GRID1: variants seen among roughly 807,000 people sequenced by gnomAD.
The protein encoded by GRID1 is glutamate ionotropic receptor delta type subunit 1.
GRID1 carries 28 observed loss-of-function variants against 98.0 expected under a neutral mutation model. The observed-to-expected ratio is 0.29, with a 90% CI of 0.21 to 0.39. The LOEUF (loss-of-function observed/expected upper bound fraction) is 0.39, where lower values mean the gene tolerates loss of function less well. Among genes scored for constraint, GRID1 ranks in the 10% least tolerant of loss-of-function variants. GRID1 has a pLI of 1.00. For synonymous variants in GRID1, 553 were observed against 538.5 expected (o/e 1.03, Z -0.37); for missense variants, 1,111 against 1,340.5 (o/e 0.83, Z 2.67).
intron 15 of GRID1, chr10:85,606,334 C>A (rs2132505604): frequency 6.6e-6 from 1 of 152,290 alleles, no homozygotes; most frequent in South Asian, 2.1e-4. Flanking sequence ...TCCTTCCCAA[C>A]TGCTTATTAA....
chr10:86,352,641 TC>T (rs1423734455), intron 2 of GRID1, among the ~76,000 whole-genome samples: 1 of 152,034 alleles, frequency 6.6e-6, no homozygotes, highest in Non-Finnish European at 1.5e-5. Flanking sequence ...CCTAATTACC[TC>T]CCAAGGCCCT....
At chr10:85,643,285 T>C (rs1209627614) in intron 13 of GRID1, among the ~76,000 whole-genome samples, 2 of 152,142 alleles carry the variant, frequency 1.3e-5, no homozygotes, top group African/African-American at 4.8e-5. Flanking sequence ...CCAGGCTGCC[T>C]ACACTGCATG....
intron 2 of GRID1, among the ~76,000 whole-genome samples, chr10:86,257,195 C>A (rs1846934062): frequency 6.6e-6 from 1 of 152,210 alleles, no homozygotes; most frequent in Admixed American, 6.5e-5. Flanking sequence ...TCACACAGTC[C>A]TCTCTGAGGT....
chr10:86,055,801 C>T (rs1339254216), intron 4 of GRID1, among the ~76,000 whole-genome samples: 1 of 147,816 alleles, frequency 6.8e-6, no homozygotes, highest in Non-Finnish European at 1.5e-5. Context: ...AACCAGAGAG[C>T]CTGTGCTCTC....
At chr10:86,360,425 A>G (rs970337261) in intron 2 of GRID1, among the ~76,000 whole-genome samples, 2 of 152,250 alleles carry the variant, frequency 1.3e-5, no homozygotes, top group Non-Finnish European at 2.9e-5. Context: ...TCCACATTTT[A>G]TATAATAAGC....
At chr10:85,951,539 T>A in intron 4 of GRID1, among the ~76,000 whole-genome samples, 1 of 152,248 alleles carries the variant, frequency 6.6e-6, no homozygotes, top group East Asian at 1.9e-4. Flanking sequence ...TCATTTCGTA[T>A]GCTGGTTCTC....
intron 13 of GRID1, among the ~76,000 whole-genome samples, chr10:85,629,376 C>T (rs1177731615): frequency 6.6e-6 from 1 of 151,906 alleles, no homozygotes; most frequent in Non-Finnish European, 1.5e-5. Flanking sequence ...ATCCCTTACC[C>T]CCATCCCACC....
chr10:86,337,484 C>T (rs1354052565), intron 2 of GRID1, among the ~76,000 whole-genome samples: 3 of 152,176 alleles, frequency 2.0e-5, no homozygotes, highest in Non-Finnish European at 4.4e-5. Flanking sequence ...CGGGGAGGCA[C>T]TGACCCTCCC....
intron 5 of GRID1, among the ~76,000 whole-genome samples, chr10:85,891,882 T>A (rs1189256994): frequency 2.0e-5 from 3 of 152,100 alleles, no homozygotes; most frequent in Non-Finnish European, 4.4e-5. Context: ...TGAGGATATG[T>A]CAATATCCTC....
Position 85,900,899 on chromosome 10 carries a change from A to G in GRID1, c.780+15287T>C, listed in dbSNP as rs552981540. Among the ~76,000 whole-genome samples the G allele has an allele frequency of 5.9e-5, 9 of 152,354 alleles. No individual in the cohort carries two copies. The East Asian group carries it at 1.2e-3, about 20-fold the overall frequency. On this transcript the variant is annotated intron_variant, in intron 5 of 15. Transcript: ENST00000327946. The stretch of plus-strand genomic sequence containing the variant: ...TGAAGGAAAAAGATAAGGATCACTG[A>G]AGAATCACAGAGTAAGTTATATGCA...
At chr10:85,614,370 A>G (rs530059717) in intron 14 of GRID1, among the ~76,000 whole-genome samples, 2 of 152,270 alleles carry the variant, frequency 1.3e-5, no homozygotes, top group East Asian at 3.9e-4. Context: ...TAATTATAAA[A>G]CAGCTCACAT....
intron 4 of GRID1, among the ~76,000 whole-genome samples, chr10:86,104,950 T>C (rs1564676094): frequency 6.6e-6 from 1 of 152,240 alleles, no homozygotes; most frequent in Non-Finnish European, 1.5e-5. Context: ...GACAAGGCTG[T>C]GACAGGCCTC....
At chr10:85,944,393 AAAT>A (rs1184305534) in intron 4 of GRID1, among the ~76,000 whole-genome samples, 3 of 152,254 alleles carry the variant, frequency 2.0e-5, no homozygotes, top group Admixed American at 6.5e-5. Context: ...AAATGAAGAA[AAAT>A]AATAATTTCA....
intron 4 of GRID1, among the ~76,000 whole-genome samples, chr10:86,013,143 C>T (rs1440034287): frequency 1.3e-5 from 2 of 152,154 alleles, no homozygotes; most frequent in African/African-American, 4.8e-5. Flanking sequence ...TTCCAATTTC[C>T]CGAGTGTCTG....
chr10:85,729,195 G>A (rs1219811131), intron 9 of GRID1, among the ~76,000 whole-genome samples: 1 of 152,064 alleles, frequency 6.6e-6, no homozygotes, highest in Non-Finnish European at 1.5e-5. Context: ...CCAGTAGTGG[G>A]TCAAGATCCA....
intron 2 of GRID1, among the ~76,000 whole-genome samples, chr10:86,302,880 C>T (rs572040109): frequency 6.6e-6 from 1 of 152,322 alleles, no homozygotes; most frequent in African/African-American, 2.4e-5. Flanking sequence ...CCTCCCTGGA[C>T]CTAGAAGCAG....
At chr10:85,704,645 C>A (rs1254474145) in intron 12 of GRID1, among the ~76,000 whole-genome samples, 1 of 152,206 alleles carries the variant, frequency 6.6e-6, no homozygotes, top group Non-Finnish European at 1.5e-5. Flanking sequence ...GAACTCTCCA[C>A]CCCAAATTAA....
intron 5 of GRID1, among the ~76,000 whole-genome samples, chr10:85,914,467 G>C (rs1043398786): frequency 6.6e-6 from 1 of 152,082 alleles, no homozygotes. Context: ...CAAGGATCAA[G>C]GCAGTCTCTC....
intron 13 of GRID1, among the ~76,000 whole-genome samples, chr10:85,627,862 GTCAGGAGATCCATCT>G (rs1488244454): frequency 6.6e-6 from 1 of 152,184 alleles, no homozygotes; most frequent in Non-Finnish European, 1.5e-5. Flanking sequence ...TTCCCAGATG[GTCAGGAGATCCATCT>G]GTCAGCTGTG....
Sources: gnomAD v4.1 joint callset for allele counts (sites outside exome capture counted in the v4.1 genomes callset) on GRCh38, gnomAD v4.1.1 for gene constraint, MANE v1.5 for transcripts, NCBI Gene and HGNC (gene_info 2026-07-23, HGNC 2026-07-21) for gene names.